Variants in DMD observed in about 807,000 individuals in gnomAD.
DMD encodes the protein mutant dystrophin.
Under a neutral mutation model 330.1 loss-of-function variants are expected in DMD, and 63 were observed. The ratio of observed to expected loss-of-function variants is 0.19; its 90% CI spans 0.16 to 0.24. The LOEUF (loss-of-function observed/expected upper bound fraction) is 0.24. DMD is among the 10% of genes least tolerant of loss of function. The pLI, the probability that DMD is intolerant of heterozygous loss-of-function variation, is 1.00. For missense variants in DMD, 3,344 were observed against 2,684.1 expected (o/e 1.25, Z -5.43); for synonymous variants, 1,223 against 959.8 (o/e 1.27, Z -5.07).
chrX:31,386,967 T>C (rs1357498403), intron 60 of DMD, among the ~76,000 whole-genome samples: 1 of 111,667 alleles, frequency 9.0e-6, no homozygotes, highest in Non-Finnish European at 1.9e-5. Flanking sequence ...TATTGCTCTT[T>C]TTTGCGTAAT....
intron 60 of DMD, among the ~76,000 whole-genome samples, chrX:31,388,482 A>T (rs1386904079): frequency 2.7e-5 from 3 of 112,260 alleles, no homozygotes; most frequent in African/African-American, 9.7e-5. Context: ...AGGGTTTCTT[A>T]GGTGTAATCT....
At chrX:32,098,803 G>C (rs1373803595) in intron 44 of DMD, among the ~76,000 whole-genome samples, 1 of 112,208 alleles carries the variant, frequency 8.9e-6, no homozygotes, top group African/African-American at 3.2e-5. Flanking sequence ...TTTTCATGAA[G>C]TTTAAATCAA....
At chrX:33,183,651 G>A (rs911941129) in intron 1 of DMD, among the ~76,000 whole-genome samples, 4 of 111,338 alleles carry the variant, frequency 3.6e-5, no homozygotes, top group Non-Finnish European at 7.5e-5. Flanking sequence ...TCTCATTTCT[G>A]TGGTCACCAA....
chrX:33,274,695 C>T (rs930473796), intron 1 of DMD, among the ~76,000 whole-genome samples: 2 of 111,400 alleles, frequency 1.8e-5, no homozygotes, highest in Non-Finnish European at 3.8e-5. Flanking sequence ...TAGTACTAGC[C>T]ATCAAAATTT....
chrX:32,517,696 G>T, intron 18 of DMD: 1 of 365,394 alleles, frequency 2.7e-6, no homozygotes, highest in Middle Eastern at 7.8e-4. Flanking sequence ...CTAGCCTTGA[G>T]GTAACTGAAC....
chrX:33,261,191 A>G (rs898425713), intron 1 of DMD, among the ~76,000 whole-genome samples: 1 of 111,583 alleles, frequency 9.0e-6, no homozygotes, highest in South Asian at 3.7e-4. Context: ...TTAATTTGAC[A>G]TTGTAAAGTC....
At chrX:32,567,918 TA>T (rs995929366) in intron 15 of DMD, among the ~76,000 whole-genome samples, 39 of 108,064 alleles carry the variant, frequency 3.6e-4, no homozygotes, top group African/African-American at 1.1e-3. Flanking sequence ...AATCTAAAAA[TA>T]AAAAAAAAAT....
intron 44 of DMD, among the ~76,000 whole-genome samples, chrX:32,149,866 A>C (rs776388124): frequency 3.7e-4 from 41 of 112,096 alleles, no homozygotes; most frequent in African/African-American, 1.2e-3. Flanking sequence ...TTGGGAAGGG[A>C]AACAGACCAA....
intron 11 of DMD, among the ~76,000 whole-genome samples, chrX:32,642,038 CATAATCACGTTTTTTGTTTCCTCTCACA>C (rs2059500155): frequency 2.7e-5 from 3 of 111,566 alleles, no homozygotes; most frequent in African/African-American, 9.8e-5. Context: ...ACCCTCTTTT[CATAATCACGTTTTTTGTTTCCTCTCACA>C]AAATCTTTCA....
At chrX:31,578,632 C>T (rs2076210839) in intron 55 of DMD, among the ~76,000 whole-genome samples, 1 of 111,710 alleles carries the variant, frequency 9.0e-6, no homozygotes. Flanking sequence ...ATTACAAAGA[C>T]CATCAGAAAG....
chrX:31,963,360 A>T (rs1049066217), intron 45 of DMD, among the ~76,000 whole-genome samples: 4 of 112,257 alleles, frequency 3.6e-5, no homozygotes, highest in African/African-American at 1.3e-4. Context: ...AGAATTCAGA[A>T]GTAGAGAGGT....
intron 7 of DMD, among the ~76,000 whole-genome samples, chrX:32,759,918 C>T (rs992757055): frequency 9.2e-6 from 1 of 109,224 alleles, no homozygotes; most frequent in Admixed American, 9.9e-5. Context: ...AACAATTTTC[C>T]ACTCAGAAAG....
intron 60 of DMD, among the ~76,000 whole-genome samples, chrX:31,392,101 C>T (rs887384417): frequency 3.6e-5 from 4 of 111,895 alleles, no homozygotes; most frequent in Non-Finnish European, 7.5e-5. Flanking sequence ...AGCTACTTGA[C>T]CTAGTTCTGG....
chrX:32,831,743 G>A (rs2079175233), intron 4 of DMD, among the ~76,000 whole-genome samples: 1 of 107,879 alleles, frequency 9.3e-6, no homozygotes, highest in African/African-American at 3.4e-5. Flanking sequence ...AGGTGACAAA[G>A]TTCTGACAAA....
chrX:31,226,481 T>C (rs2046609011), intron 63 of DMD, among the ~76,000 whole-genome samples: 1 of 112,347 alleles, frequency 8.9e-6, no homozygotes, highest in Non-Finnish European at 1.9e-5. Context: ...CTTGAAATGC[T>C]ATATATACAG....
chrX:31,157,276 G>A (rs761474114), intron 74 of DMD, among the ~76,000 whole-genome samples: 1 of 112,125 alleles, frequency 8.9e-6, no homozygotes, highest in African/African-American at 3.2e-5. Flanking sequence ...TAATGACTGA[G>A]ATGTTTTTCA....
At position 33,304,996 on chromosome X, in the gene DMD, G is replaced by A. The variant is rs1267906732; in HGVS notation, c.7+34263C>T. ...ACTGTAAACTAGTTCAACCATTGTG[G>A]AAGTCAGTGTGGCGATTCCTCAGGG... On this transcript the variant is annotated intron_variant, in intron 1 of 17. Coordinates refer to the DMD transcript ENST00000288447. 4.6e-5 allele frequency among the ~76,000 whole-genome samples: 5 copies of A among 109,050 alleles called. No homozygotes were observed. In the South Asian group the frequency reaches 2.0e-3, roughly 45 times the overall value. 94.7% of individuals were successfully genotyped at this position (109,050 alleles called of 115,157 possible).
At chrX:32,282,249 G>A (rs1224149180) in intron 43 of DMD, among the ~76,000 whole-genome samples, 1 of 111,556 alleles carries the variant, frequency 9.0e-6, no homozygotes, top group Non-Finnish European at 1.9e-5. Flanking sequence ...CATTTAGTAG[G>A]CCCTTCTTAA....
intron 15 of DMD, among the ~76,000 whole-genome samples, chrX:32,567,885 G>A (rs187687908): frequency 7.3e-4 from 81 of 110,647 alleles, no homozygotes; most frequent in Non-Finnish European, 1.2e-3. Context: ...TATGGAAAGA[G>A]GCACAATATA....
Sources: allele counts gnomAD v4.1 joint callset (sites outside exome capture counted in the v4.1 genomes callset), GRCh38; gene constraint gnomAD v4.1.1; transcripts MANE v1.5; gene names NCBI Gene and HGNC (gene_info 2026-07-23, HGNC 2026-07-21).